The following RGPD2 variants were observed in gnomAD, a reference collection of about 807,000 sequenced individuals.
RGPD2 encodes the protein RANBP2-like and GRIP domain-containing protein 2.
RGPD2 carries 2 observed loss-of-function variants against 36.0 expected under a neutral mutation model. The ratio of observed to expected loss-of-function variants is 0.06; its 90% CI spans 0.02 to 0.17. The LOEUF (loss-of-function observed/expected upper bound fraction) is 0.17, where lower values mean the gene tolerates loss of function less well. Among genes scored for constraint, RGPD2 ranks in the 10% least tolerant of loss-of-function variants. RGPD2 has a pLI of 1.00. For synonymous variants in RGPD2, 19 were observed against 163.8 expected, an observed-to-expected ratio of 0.12 and a Z score of 6.75; for missense variants, 40 against 464.3, an observed-to-expected ratio of 0.09 and a Z score of 8.40.
the RGPD2 span, among the ~76,000 whole-genome samples, chr2:87,964,899 C>T: frequency 1.3e-5 from 2 of 148,814 alleles, no homozygotes; most frequent in African/African-American, 2.4e-5. Context: ...AGGTGTTGCC[C>T]ATGCCTACTC....
the RGPD2 span, among the ~76,000 whole-genome samples, chr2:87,933,692 C>T: frequency 6.7e-6 from 1 of 149,498 alleles, no homozygotes; most frequent in South Asian, 2.1e-4. Context: ...GAGTTTCTTT[C>T]CTCCACTTTG....
At chr2:87,957,897 A>G in the RGPD2 span, among the ~76,000 whole-genome samples, 235 of 152,406 alleles carry the variant, frequency 1.5e-3, no homozygotes, top group Non-Finnish European at 1.7e-3. Context: ...CTATAATCTA[A>G]CAAAGAGAAT....
upstream of RGPD2, chr2:87,825,917 G>C: frequency 1.5e-6 from 1 of 672,194 alleles, no homozygotes; most frequent in Non-Finnish European, 2.3e-6. Context: ...ACTCGGCCGG[G>C]CTCTTGGCAG....
At chr2:87,915,359 A>G in the RGPD2 span, among the ~76,000 whole-genome samples, 8,144 of 72,682 alleles carry the variant, frequency 0.11, 1,130 homozygotes, top group African/African-American at 0.34. Flanking sequence ...TATATATATT[A>G]TATATATATG....
chr2:87,867,864 G>A, the RGPD2 span, among the ~76,000 whole-genome samples: 2 of 127,698 alleles, frequency 1.6e-5, no homozygotes, highest in East Asian at 4.8e-4. Flanking sequence ...TGGCCAGGCT[G>A]GTCTCGAACT....
chr2:87,840,541 A>G, the RGPD2 span, among the ~76,000 whole-genome samples: 4 of 152,140 alleles, frequency 2.6e-5, no homozygotes, highest in African/African-American at 9.7e-5. Context: ...GTATTTTAAA[A>G]AAAAAATTTA....
At chr2:87,922,157 G>C in the RGPD2 span, among the ~76,000 whole-genome samples, 1 of 151,448 alleles carries the variant, frequency 6.6e-6, no homozygotes, top group Non-Finnish European at 1.5e-5. Context: ...GCTGGGCGTG[G>C]TGGCGTGCAC....
At chr2:87,966,397 T>C in the RGPD2 span, among the ~76,000 whole-genome samples, 2 of 148,204 alleles carry the variant, frequency 1.3e-5, no homozygotes, top group South Asian at 4.5e-4. Flanking sequence ...GCTCTACTTC[T>C]ACAGGACTAA....
At chr2:87,962,334 G>C in the RGPD2 span, among the ~76,000 whole-genome samples, 12 of 151,784 alleles carry the variant, frequency 7.9e-5, no homozygotes, top group African/African-American at 2.9e-4. Flanking sequence ...CTGGAAATTT[G>C]GGCTATTTTG....
At chr2:87,924,464 T>C in the RGPD2 span, among the ~76,000 whole-genome samples, 2 of 151,902 alleles carry the variant, frequency 1.3e-5, no homozygotes, top group African/African-American at 4.8e-5. Flanking sequence ...CCCTAGAGAC[T>C]TGGCTGCTGC....
intron 6 of RGPD2, among the ~76,000 whole-genome samples, chr2:87,807,383 T>C (rs1230460302): frequency 3.2e-5 from 4 of 124,690 alleles, no homozygotes; most frequent in South Asian, 2.6e-4. Context: ...TTAAATTGTT[T>C]TTTTTTTTTT....
At chr2:87,790,427 CT>C (rs1230104470) in intron 17 of RGPD2, among the ~76,000 whole-genome samples, 1 of 71,094 alleles carries the variant, frequency 1.4e-5, no homozygotes, top group Non-Finnish European at 3.1e-5. Flanking sequence ...ACTGCTGTAA[CT>C]GTAATTTTTA....
chr2:87,915,383 T>TTATATATATA, the RGPD2 span, among the ~76,000 whole-genome samples: 2 of 120,720 alleles, frequency 1.7e-5, no homozygotes, highest in East Asian at 2.2e-4. Context: ...ATTATATATA[T>TTATATATATA]TGTATATATA....
At chr2:87,919,123 T>C in the RGPD2 span, among the ~76,000 whole-genome samples, 3 of 151,626 alleles carry the variant, frequency 2.0e-5, no homozygotes, top group Admixed American at 1.3e-4. Flanking sequence ...GCATCAAAAA[T>C]ACATAGTTAT....
the RGPD2 span, among the ~76,000 whole-genome samples, chr2:87,940,978 C>T: frequency 6.6e-6 from 1 of 151,904 alleles, no homozygotes; most frequent in African/African-American, 2.4e-5. Context: ...TATATATCAA[C>T]ATTTATCCAA....
the RGPD2 span, among the ~76,000 whole-genome samples, chr2:87,961,522 G>A: frequency 3.3e-5 from 5 of 151,944 alleles, no homozygotes; most frequent in South Asian, 2.1e-4. Context: ...CCAACATGGC[G>A]AAAGCCCATC....
intron 6 of RGPD2, among the ~76,000 whole-genome samples, chr2:87,807,392 T>G (rs1256050060): frequency 3.8e-5 from 5 of 130,782 alleles, no homozygotes; most frequent in Admixed American, 7.4e-5. Flanking sequence ...TTTTTTTTTT[T>G]TTTTTTTTTT....
the RGPD2 span, among the ~76,000 whole-genome samples, chr2:87,885,505 A>G: frequency 6.6e-6 from 1 of 151,678 alleles, no homozygotes; most frequent in African/African-American, 2.4e-5. Context: ...AGCCAGAGCA[A>G]TTAGGCAAGA....
chr2:87,951,895 A>AT, the RGPD2 span, among the ~76,000 whole-genome samples: 1 of 150,500 alleles, frequency 6.6e-6, no homozygotes, highest in African/African-American at 2.4e-5. Context: ...AAACACTCTT[A>AT]TCTAGCCTCT....
Sources: allele counts gnomAD v4.1 joint callset (sites outside exome capture counted in the v4.1 genomes callset), GRCh38; gene constraint gnomAD v4.1.1; transcripts MANE v1.5; gene names NCBI Gene and HGNC (gene_info 2026-07-23, HGNC 2026-07-21).